GTF2IRD1: variants seen among roughly 807,000 people sequenced by gnomAD.
GTF2IRD1 encodes the protein general transcription factor II-I repeat domain-containing protein 1.
A neutral mutation model predicts 113.2 loss-of-function variants in GTF2IRD1; 26 were observed. The observed-to-expected ratio is 0.23, with a 90% CI of 0.17 to 0.32. GTF2IRD1 has a LOEUF of 0.32. GTF2IRD1 is among the 10% of genes least tolerant of loss of function. The probability of loss-of-function intolerance (pLI) is 1.00; values close to 1 mark genes in which losing one functional copy is unlikely to be tolerated. For missense variants in GTF2IRD1, 864 were observed against 1,280.8 expected (o/e 0.67, Z 4.97); for synonymous variants, 484 against 529.1 (o/e 0.91, Z 1.17).
Position 74,519,528 on chromosome 7 carries a change from A to G in GTF2IRD1, c.725A>G (p.Gln242Arg). The G allele has an allele frequency of 6.2e-7, 1 of 1,611,748 alleles. No individual in the cohort carries two copies. The highest frequency in any genetic ancestry group is 2.2e-5 in the East Asian group (1 of 44,806). ...GGCCAGGCCCCCAAGGTGCCACCCC[A>G]GGACCTGCCCCCAACCGCCACCTCC... Reference protein sequence around the residue: ...LHGQAPKVPPQDLPPTATSSS... With the variant: ...LHGQAPKVPPRDLPPTATSSS... The change falls in exon 6 of 27, where the codon CAG (glutamine) becomes CGG (arginine). Residue 242 changes from glutamine to arginine, a missense_variant. Physicochemically the swap from Gln to Arg is conservative, Grantham distance 43 (BLOSUM62 1). Around this residue, in one of 7 missense-constraint regions of GTF2IRD1, gnomAD observed 195 missense variants for 196.6 expected, o/e 0.99. Transcript: ENST00000424337.
At chr7:74,490,808 G>T (rs541079679) in intron 1 of GTF2IRD1, among the ~76,000 whole-genome samples, 20 of 152,116 alleles carry the variant, frequency 1.3e-4, no homozygotes, top group African/African-American at 4.6e-4. Flanking sequence ...GCTCTTTCTA[G>T]TGGCGCTTCC....
intron 13 of GTF2IRD1, among the ~76,000 whole-genome samples, chr7:74,539,354 A>T (rs1473149553): frequency 1.3e-5 from 2 of 152,128 alleles, no homozygotes; most frequent in Non-Finnish European, 2.9e-5. Flanking sequence ...AGGCTAGGGC[A>T]GGAGGATCAC....
chr7:74,496,846 T>TC (rs1554338224), intron 1 of GTF2IRD1, among the ~76,000 whole-genome samples: 4 of 151,818 alleles, frequency 2.6e-5, no homozygotes, highest in Admixed American at 6.6e-5. Flanking sequence ...CTTCCTCTCT[T>TC]CCCCCCTCCC....
Position 74,590,946 on chromosome 7 carries a change from C to T in GTF2IRD1, c.2520C>T (p.Tyr840=), listed in dbSNP as rs782523451. ...DDIPFRNPNT[Y]DIHRLEKILK... ...TCCCCTTCCGGAACCCCAACACGTA[C>T]GACATCCACCGGCTGGAGAAGATCC... Residue 840 remains tyrosine, a synonymous_variant, in exon 24 of 27, where the codon TAC becomes TAT. Transcript: ENST00000424337. The T allele has an allele frequency of 8.7e-6, 14 of 1,613,502 alleles. No individual in the cohort carries two copies. Among genetic ancestry groups the T allele is most frequent in the Admixed American group, 6.7e-5 (4 of 59,986 alleles).
chr7:74,576,617 CTTTT>C (rs1165378230), intron 22 of GTF2IRD1, among the ~76,000 whole-genome samples: 30 of 49,364 alleles, frequency 6.1e-4, no homozygotes, highest in East Asian at 3.1e-3. Flanking sequence ...ATTTCCTTGT[CTTTT>C]TTTTTTTTTT....
At position 74,460,698 on chromosome 7, in the gene GTF2IRD1, G is replaced by A. The variant is rs560526652; in HGVS notation, c.-7+6522G>A. On this transcript the variant is annotated intron_variant, in intron 1 of 26. Transcript: ENST00000424337. ...CAGGGATTTCTGGCCAATGTGGTCC[G>A]TATATTTAGAGATGCTGGGAGGAGG... 9.9e-5 allele frequency among the ~76,000 whole-genome samples: 15 copies of A among 152,062 alleles called. No homozygotes were observed. In the East Asian group the frequency reaches 2.1e-3, roughly 22 times the overall value.
chr7:74,504,822 C>T (rs967851503), intron 1 of GTF2IRD1, among the ~76,000 whole-genome samples: 1 of 151,152 alleles, frequency 6.6e-6, no homozygotes, highest in Admixed American at 6.6e-5. Flanking sequence ...ATTCTCCTGC[C>T]TCAGACTCCC....
intron 3 of GTF2IRD1, among the ~76,000 whole-genome samples, chr7:74,513,921 G>A (rs1796776102): frequency 2.0e-5 from 3 of 152,168 alleles, no homozygotes; most frequent in Admixed American, 2.0e-4. Flanking sequence ...GCTGAGGCAG[G>A]AGGATCACTT....
At position 74,540,294 on chromosome 7, in the gene GTF2IRD1, G is replaced by A. The variant is rs587600108; in HGVS notation, c.1618+326G>A. On this transcript the variant is annotated intron_variant, in intron 14 of 26. Transcript: ENST00000424337. ...CCTGAGTAGCTGGAATTACAGGCATGTGCCACCATGCCTAGCTAATTTTGT... is the reference window on the plus strand; with the variant it reads ...CCTGAGTAGCTGGAATTACAGGCATATGCCACCATGCCTAGCTAATTTTGT... Among the ~76,000 whole-genome samples the A allele has an allele frequency of 3.3e-4, 50 of 152,210 alleles. No individual in the cohort carries two copies. The South Asian group carries it at 5.8e-3, about 18-fold the overall frequency.
rs568497039 is a variant in GTF2IRD1, at chr7:74,509,808, G to A, written c.123+1605G>A. 1.7e-3 allele frequency among the ~76,000 whole-genome samples: 263 copies of A among 152,076 alleles called. 1 individual carries two copies. The highest frequency in any genetic ancestry group is 6.2e-3 in the African/African-American group (256 of 41,512). On this transcript the variant is annotated intron_variant, in intron 2 of 26. Coordinates refer to ENST00000424337, the MANE Select transcript of GTF2IRD1 (RefSeq NM_005685.4). ...CTGCCTCAGCCTCCCCAGTAGCTGGGACTACAGGCCCCCACCACCACACGT... is the reference window on the plus strand; with the variant it reads ...CTGCCTCAGCCTCCCCAGTAGCTGGAACTACAGGCCCCCACCACCACACGT...
chr7:74,601,206 G>C, intron 26 of GTF2IRD1, 26 bp downstream of exon 26: 1 of 1,558,154 alleles, frequency 6.4e-7, no homozygotes, highest in Non-Finnish European at 8.7e-7. Context: ...TTTGGACTCC[G>C]GCACTCATCT....
intron 17 of GTF2IRD1, among the ~76,000 whole-genome samples, chr7:74,554,031 A>C (rs1799463924): frequency 6.6e-6 from 1 of 152,062 alleles, no homozygotes; most frequent in African/African-American, 2.4e-5. Context: ...ATCCTCATCT[A>C]CTGGGGACCC....
chr7:74,530,627 G>A (rs1318073935), intron 9 of GTF2IRD1, among the ~76,000 whole-genome samples: 2 of 146,760 alleles, frequency 1.4e-5, no homozygotes, highest in Non-Finnish European at 3.0e-5. Flanking sequence ...GGGGTGGGGG[G>A]AAGGGACAAT....
At chr7:74,556,914 G>A (rs191295175) in intron 19 of GTF2IRD1, among the ~76,000 whole-genome samples, 4 of 151,966 alleles carry the variant, frequency 2.6e-5, no homozygotes, top group African/African-American at 4.8e-5. Context: ...ATGAGCCGCC[G>A]CGCCCGGTCA....
intron 22 of GTF2IRD1, chr7:74,572,517 G>A (rs1047554353): frequency 6.5e-6 from 6 of 924,262 alleles, no homozygotes; most frequent in Admixed American, 6.2e-5. Flanking sequence ...TCTTGGATGA[G>A]TTAACTGTCT....
intron 25 of GTF2IRD1, among the ~76,000 whole-genome samples, chr7:74,595,729 G>A (rs1481197749): frequency 2.0e-5 from 3 of 152,184 alleles, no homozygotes; most frequent in African/African-American, 4.8e-5. Flanking sequence ...CAGAGGGGAG[G>A]CCTTGCCATA....
Position 74,601,495 on chromosome 7 carries a change from G to A in GTF2IRD1, c.2766+315G>A, listed in dbSNP as rs587716937. The A allele has an allele frequency of 9.8e-5, 140 of 1,433,756 alleles. 1 individual carries two copies. The African/African-American group carries it at 1.5e-3, about 16-fold the overall frequency. The allele number at this position is 1,433,756 out of a possible 1,614,324, so 88.8% of individuals were successfully genotyped here. On this transcript the variant is annotated intron_variant, in intron 26 of 26. Coordinates refer to ENST00000424337, the MANE Select transcript of GTF2IRD1 (RefSeq NM_005685.4). ...GGAGACATGAAAAGACATGGCTGGCGGGTGCAGTGGCTCACGCCTGTAATC... is the reference window on the plus strand; with the variant it reads ...GGAGACATGAAAAGACATGGCTGGCAGGTGCAGTGGCTCACGCCTGTAATC...
chr7:74,508,213 C>T lies in GTF2IRD1; in HGVS notation c.123+10C>T, dbSNP rs1796408211. The T allele has an allele frequency of 1.2e-6, 2 of 1,609,256 alleles. No homozygotes were observed. Among genetic ancestry groups the T allele is most frequent in the East Asian group, 2.2e-5 (1 of 44,862 alleles). Reference sequence around the variant, plus strand: ...TGCCTTAGACTCCATGGTGAGTGTCCCCACCCACCCAAGAGGAGGGGACAG... The same window carrying T: ...TGCCTTAGACTCCATGGTGAGTGTCTCCACCCACCCAAGAGGAGGGGACAG... On this transcript the variant is annotated intron_variant, in intron 2 of 26. Coordinates refer to ENST00000424337, the MANE Select transcript of GTF2IRD1 (RefSeq NM_005685.4).
intron 5 of GTF2IRD1, among the ~76,000 whole-genome samples, chr7:74,518,933 A>G (rs1562827785): frequency 6.6e-6 from 1 of 152,174 alleles, no homozygotes; most frequent in African/African-American, 2.4e-5. Flanking sequence ...CGGGAGAACC[A>G]TGTCCTGTGC....
Sources: gnomAD v4.1 joint callset for allele counts (sites outside exome capture counted in the v4.1 genomes callset) on GRCh38, gnomAD v4.1.1 for gene constraint, gnomAD v4.1.1 regional missense constraint, MANE v1.5 for transcripts, NCBI Gene and HGNC (gene_info 2026-07-23, HGNC 2026-07-21) for gene names.